ATF1: variants seen among roughly 807,000 people sequenced by gnomAD.
ATF1 encodes activating transcription factor 1, also known as cyclic AMP-dependent transcription factor ATF-1.
Under a neutral mutation model 34.7 loss-of-function variants are expected in ATF1, and 16 were observed. The ratio of observed to expected loss-of-function variants is 0.46; its 90% CI spans 0.31 to 0.70. ATF1 has a LOEUF of 0.70. ATF1 is among the 30% of genes least tolerant of loss of function. The pLI, the probability that ATF1 is intolerant of heterozygous loss-of-function variation, is 0.05. For synonymous variants in ATF1, 105 were observed against 113.1 expected, an observed-to-expected ratio of 0.93 and a Z score of 0.46; for missense variants, 255 against 321.6, an observed-to-expected ratio of 0.79 and a Z score of 1.58.
chr12:50,764,005 C>T (rs1201903175), upstream of ATF1: 1 of 152,442 alleles, frequency 6.6e-6, no homozygotes, highest in East Asian at 1.9e-4. Flanking sequence ...GAGGCAGCGC[C>T]ATAGCCTACC....
intron 3 of ATF1, among the ~76,000 whole-genome samples, chr12:50,801,688 A>G (rs1221158377): frequency 6.6e-6 from 1 of 152,240 alleles, no homozygotes; most frequent in Admixed American, 6.5e-5. Context: ...TTAATGTAAT[A>G]CATCATATTA....
At chr12:50,816,406 A>G (rs1345044477) in intron 6 of ATF1, among the ~76,000 whole-genome samples, 1 of 152,158 alleles carries the variant, frequency 6.6e-6, no homozygotes, top group African/African-American at 2.4e-5. Context: ...AAAGGGTACA[A>G]ACCCATACAC....
intron 6 of ATF1, among the ~76,000 whole-genome samples, chr12:50,818,407 TCAAAA>T (rs1425826311): frequency 6.6e-6 from 1 of 151,916 alleles, no homozygotes; most frequent in Non-Finnish European, 1.5e-5. Context: ...AGACCCTGTC[TCAAAA>T]CAAAAGAAGA....
At chr12:50,810,375 G>C (rs1023421995) in intron 4 of ATF1, among the ~76,000 whole-genome samples, 1 of 151,260 alleles carries the variant, frequency 6.6e-6, no homozygotes, top group African/African-American at 2.4e-5. Context: ...GTACCACTTC[G>C]CTTGGCTAAT....
chr12:50,785,854 A>G (rs1224765225), intron 2 of ATF1, among the ~76,000 whole-genome samples: 1 of 152,160 alleles, frequency 6.6e-6, no homozygotes, highest in African/African-American at 2.4e-5. Flanking sequence ...CCAGCAGGAG[A>G]GTGAGAGCAA....
At chr12:50,810,481 A>G (rs1941714431) in intron 4 of ATF1, among the ~76,000 whole-genome samples, 1 of 152,006 alleles carries the variant, frequency 6.6e-6, no homozygotes, top group Admixed American at 6.6e-5. Context: ...TTGGCCTCCC[A>G]AAGTGCTGGG....
chr12:50,806,281 C>T, intron 3 of ATF1: 1 of 289,088 alleles, frequency 3.5e-6, no homozygotes, highest in South Asian at 3.4e-5. Flanking sequence ...CTCCATTGGC[C>T]CATACGCAGC....
At chr12:50,785,191 G>T (rs1275288531) in intron 2 of ATF1, among the ~76,000 whole-genome samples, 5 of 150,350 alleles carry the variant, frequency 3.3e-5, no homozygotes, top group Non-Finnish European at 1.5e-5. Flanking sequence ...GGAGGCTCAG[G>T]TGGGAGGACT....
chr12:50,771,930 A>C (rs976450190), intron 1 of ATF1, among the ~76,000 whole-genome samples: 23 of 152,232 alleles, frequency 1.5e-4, no homozygotes, highest in African/African-American at 4.8e-4. Flanking sequence ...AAGGGGAGGC[A>C]TGAAAAATCC....
rs566897400 is a variant in ATF1 at position 50,813,853 on chromosome 12, T to C, written c.329-157T>C. On this transcript the variant is annotated intron_variant, in intron 4 of 6. Coordinates refer to ENST00000262053, the MANE Select transcript of ATF1 (RefSeq NM_005171.5). ...AAAAAGAAATGCTGTTTTATTCCTT[T>C]TACATGTAGTTCACCTAAAGTAAAG... is the stretch of plus-strand genomic sequence containing the variant. Among the ~76,000 whole-genome samples the C allele has an allele frequency of 5.9e-5, 9 of 152,288 alleles. No homozygotes were observed. In the South Asian group the frequency reaches 1.9e-3, roughly 32 times the overall value.
rs150791629 is a variant in ATF1 at position 50,803,325 on chromosome 12, G to A, written c.195-6131G>A. Among the ~76,000 whole-genome samples, 208 of 151,344 alleles carry A rather than the reference G, an allele frequency of 1.4e-3. 2 individuals are homozygous for A. The highest frequency in any genetic ancestry group is 4.8e-3 in the African/African-American group (200 of 41,286). On this transcript the variant is annotated intron_variant, in intron 3 of 6. Transcript: ENST00000262053. Reference sequence around the variant, plus strand: ...ATTTCTCCAAAGAAGATAAACAAATGACTAATAAACCTATGAAAAGTTCAA... The same window carrying A: ...ATTTCTCCAAAGAAGATAAACAAATAACTAATAAACCTATGAAAAGTTCAA...
At chr12:50,765,302 A>T (rs967151601) in intron 1 of ATF1, among the ~76,000 whole-genome samples, 3 of 151,938 alleles carry the variant, frequency 2.0e-5, no homozygotes, top group Admixed American at 6.6e-5. Flanking sequence ...TTTTTCTTGG[A>T]GTTTATCATA....
At chr12:50,798,394 C>T (rs889938881) in intron 3 of ATF1, among the ~76,000 whole-genome samples, 8 of 151,468 alleles carry the variant, frequency 5.3e-5, no homozygotes, top group Non-Finnish European at 8.8e-5. Context: ...CTGCAAGCTC[C>T]GCCTCCTGGG....
chr12:50,793,709 T>C (rs1941352742), intron 2 of ATF1, among the ~76,000 whole-genome samples: 1 of 152,120 alleles, frequency 6.6e-6, no homozygotes, highest in Non-Finnish European at 1.5e-5. Flanking sequence ...TGGTTATTTC[T>C]TAATTATTAT....
rs1941314220 is a variant in ATF1 at position 50,792,104 on chromosome 12, T to TA, written c.94-3804dup. Among the ~76,000 whole-genome samples, 3 of 152,130 alleles carry TA rather than the reference T, an allele frequency of 2.0e-5. No homozygotes were observed. The South Asian group carries it at 6.2e-4, about 31-fold the overall frequency. On this transcript the variant is annotated intron_variant, in intron 2 of 6. Transcript: ENST00000262053. ...CCCCTAACTCCTGCCCCTCCATACA[T>TA]ACCCTCAGGTAATTGTTAATTATTC... is the stretch of plus-strand genomic sequence containing the variant.
chr12:50,810,129 G>A (rs916102997), intron 4 of ATF1, among the ~76,000 whole-genome samples: 3 of 151,822 alleles, frequency 2.0e-5, no homozygotes, highest in African/African-American at 4.8e-5. Context: ...CACTGCGCCT[G>A]GCCTTATTTT....
At chr12:50,812,757 G>A (rs1941762923) in intron 4 of ATF1, among the ~76,000 whole-genome samples, 1 of 152,090 alleles carries the variant, frequency 6.6e-6, no homozygotes, top group South Asian at 2.1e-4. Flanking sequence ...CCAGGAGGTA[G>A]AGTGCAGTGG....
At chr12:50,781,149 A>G (rs1285316854) in intron 2 of ATF1, among the ~76,000 whole-genome samples, 2 of 152,164 alleles carry the variant, frequency 1.3e-5, no homozygotes, top group Non-Finnish European at 2.9e-5. Flanking sequence ...GTCCACAGAT[A>G]CCAAGATCTG....
chr12:50,781,915 CAAAAAAA>C (rs56395543), intron 2 of ATF1, among the ~76,000 whole-genome samples: 2 of 107,158 alleles, frequency 1.9e-5, no homozygotes, highest in Non-Finnish European at 4.0e-5. Flanking sequence ...ACCCTATCTC[CAAAAAAA>C]AAAAAAAAAA....
Sources: gnomAD v4.1 joint callset for allele counts (sites outside exome capture counted in the v4.1 genomes callset) on GRCh38, gnomAD v4.1.1 for gene constraint, MANE v1.5 for transcripts, NCBI Gene and HGNC (gene_info 2026-07-23, HGNC 2026-07-21) for gene names.